The following USP47 variants were observed in gnomAD, a reference collection of about 807,000 sequenced individuals.
The protein encoded by USP47 is ubiquitin carboxyl-terminal hydrolase 47.
Under a neutral mutation model 165.1 loss-of-function variants are expected in USP47, and 35 were observed. The ratio of observed to expected loss-of-function variants is 0.21; its 90% CI spans 0.16 to 0.28. The LOEUF is 0.28. Among genes scored for constraint, USP47 ranks in the 10% least tolerant of loss-of-function variants. The pLI, the probability that USP47 is intolerant of heterozygous loss-of-function variation, is 1.00. For synonymous variants in USP47, 531 were observed against 544.5 expected, an observed-to-expected ratio of 0.98 and a Z score of 0.35; for missense variants, 1,277 against 1,607.4, an observed-to-expected ratio of 0.79 and a Z score of 3.52.
chr11:11,892,726 G>A (rs1444788590), intron 4 of USP47, among the ~76,000 whole-genome samples: 1 of 150,554 alleles, frequency 6.6e-6, no homozygotes, highest in Non-Finnish European at 1.5e-5. Flanking sequence ...TTAGGTGGGA[G>A]GATTGCTTGA....
At chr11:11,904,028 A>G (rs944029311) in intron 7 of USP47, among the ~76,000 whole-genome samples, 1 of 152,178 alleles carries the variant, frequency 6.6e-6, no homozygotes, top group Non-Finnish European at 1.5e-5. Context: ...GTAGATTACA[A>G]TCTATTCACG....
At chr11:11,955,552 C>CTAA (rs2134916814) in intron 27 of USP47, among the ~76,000 whole-genome samples, 1 of 152,284 alleles carries the variant, frequency 6.6e-6, no homozygotes, top group East Asian at 1.9e-4. Context: ...CCACATGTGG[C>CTAA]TAATGGCTGT....
At chr11:11,878,563 GT>G (rs986199066) in intron 1 of USP47, 1 of 151,746 alleles carries the variant, frequency 6.6e-6, no homozygotes. Context: ...ATAGGTGAAG[GT>G]TTTTTTATCT....
At chr11:11,951,393 A>C (rs188834007) in intron 24 of USP47, 3 of 152,282 alleles carry the variant, frequency 2.0e-5, no homozygotes, top group Admixed American at 2.0e-4. Flanking sequence ...AATTCAACCC[A>C]TAGCAGTGAC....
chr11:11,912,635 C>A (rs543184059), intron 8 of USP47, among the ~76,000 whole-genome samples: 1 of 151,688 alleles, frequency 6.6e-6, no homozygotes, highest in Non-Finnish European at 1.5e-5. Context: ...TGTACAATTT[C>A]TTTTCAAAAA....
At chr11:11,846,290 C>T (rs2134112632) in intron 1 of USP47, among the ~76,000 whole-genome samples, 1 of 152,186 alleles carries the variant, frequency 6.6e-6, no homozygotes, top group African/African-American at 2.4e-5. Context: ...TCATTGAGTA[C>T]TCACTGTGCA....
At chr11:11,918,318 G>A (rs1258601948) in intron 8 of USP47, among the ~76,000 whole-genome samples, 2 of 152,008 alleles carry the variant, frequency 1.3e-5, no homozygotes, top group South Asian at 2.1e-4. Flanking sequence ...GGAATGCCTC[G>A]AGATTAAAGG....
chr11:11,851,560 C>T (rs568562384), intron 1 of USP47, among the ~76,000 whole-genome samples: 1 of 152,222 alleles, frequency 6.6e-6, no homozygotes, highest in African/African-American at 2.4e-5. Context: ...ATCTTAACAT[C>T]TTATATAACC....
At chr11:11,913,955 A>G (rs931764902) in intron 8 of USP47, among the ~76,000 whole-genome samples, 6 of 152,138 alleles carry the variant, frequency 3.9e-5, no homozygotes, top group East Asian at 1.9e-4. Flanking sequence ...GGAAGATTCA[A>G]TATAGTAAAG....
chr11:11,896,080 T>C (rs751556225), intron 4 of USP47, among the ~76,000 whole-genome samples: 13 of 152,166 alleles, frequency 8.5e-5, no homozygotes, highest in Non-Finnish European at 1.3e-4. Flanking sequence ...TTTTGGAAAA[T>C]AGTACATTTA....
intron 2 of USP47, among the ~76,000 whole-genome samples, chr11:11,882,035 TG>T (rs1850867244): frequency 6.6e-6 from 1 of 152,190 alleles, no homozygotes; most frequent in Non-Finnish European, 1.5e-5. Flanking sequence ...TAGCCTTTTT[TG>T]TTTCCTTTCT....
intron 19 of USP47, among the ~76,000 whole-genome samples, chr11:11,941,779 G>A (rs189671374): frequency 6.6e-6 from 1 of 152,144 alleles, no homozygotes; most frequent in Admixed American, 6.6e-5. Context: ...TATCTAGTCA[G>A]TGTTCAAATT....
intron 8 of USP47, among the ~76,000 whole-genome samples, chr11:11,907,981 G>C (rs879799014): frequency 6.6e-6 from 1 of 152,020 alleles, no homozygotes; most frequent in Non-Finnish European, 1.5e-5. Context: ...CCAGCTACTC[G>C]GGAGGCAGAG....
At chr11:11,870,738 C>T (rs1849983521) in intron 1 of USP47, among the ~76,000 whole-genome samples, 1 of 152,094 alleles carries the variant, frequency 6.6e-6, no homozygotes, top group South Asian at 2.1e-4. Flanking sequence ...GAAAATTATC[C>T]CGCTTTTCTG....
chr11:11,901,229 C>A (rs940069142), intron 5 of USP47, among the ~76,000 whole-genome samples: 1 of 151,970 alleles, frequency 6.6e-6, no homozygotes, highest in Non-Finnish European at 1.5e-5. Context: ...TAATAGAAAG[C>A]CATTCCCAAA....
At chr11:11,945,040 A>G (rs1437985123) in intron 20 of USP47, among the ~76,000 whole-genome samples, 1 of 152,226 alleles carries the variant, frequency 6.6e-6, no homozygotes, top group African/African-American at 2.4e-5. Context: ...CTAATTTCCT[A>G]GTGTTCATTG....
rs150955299 is a variant in USP47, at chr11:11,911,767, T to C, written c.969+6219T>C. ...CATCAACCAACAGATCTAATGAACA[T>C]TGCTAAAGTGCTTCACCCAACAGCA... is the stretch of plus-strand genomic sequence containing the variant. On this transcript the variant is annotated intron_variant, in intron 8 of 27. Transcript: ENST00000527733. 7.5e-3 allele frequency among the ~76,000 whole-genome samples: 1,142 copies of C among 152,174 alleles called. 18 individuals are homozygous for C. The highest frequency in any genetic ancestry group is 0.026 in the African/African-American group (1,096 of 41,532).
At position 11,891,917 on chromosome 11, in the gene USP47, G is replaced by C. The variant is rs12792464; in HGVS notation, c.358-51G>C. 0.012 allele frequency: 18,901 copies of C among 1,576,814 alleles called. 192 individuals are homozygous for C. The highest frequency in any genetic ancestry group is 0.012 in the Non-Finnish European group (13,870 of 1,160,216). On this transcript the variant is annotated intron_variant, in intron 3 of 27. Coordinates refer to ENST00000527733, the MANE Select transcript of USP47 (RefSeq NM_001282659.2). ...CCTACAGGAAATGGTGAATGCTGTT[G>C]TTTCAGCAACATTTGCTATTTACTA...
intron 11 of USP47, among the ~76,000 whole-genome samples, chr11:11,925,268 C>A (rs1054553508): frequency 1.3e-5 from 2 of 151,952 alleles, no homozygotes; most frequent in Non-Finnish European, 2.9e-5. Context: ...CCACCACGCC[C>A]AGCTAATTTT....
Sources: allele counts gnomAD v4.1 joint callset (sites outside exome capture counted in the v4.1 genomes callset), GRCh38; gene constraint gnomAD v4.1.1; transcripts MANE v1.5; gene names NCBI Gene and HGNC (gene_info 2026-07-23, HGNC 2026-07-21).